WWOX: variants seen among roughly 807,000 people sequenced by gnomAD.
The protein encoded by WWOX is WW domain-containing oxidoreductase.
A neutral mutation model predicts 46.2 loss-of-function variants in WWOX; 69 were observed. That is an observed-to-expected ratio of 1.49 (90% confidence interval 1.23 to 1.82). WWOX has a LOEUF of 1.82. Ranked by LOEUF, WWOX falls within the 40% of genes most tolerant of loss-of-function variation. The pLI is 0.00. For synonymous variants in WWOX, 359 were observed against 202.6 expected, an observed-to-expected ratio of 1.77 and a Z score of -6.56; for missense variants, 919 against 542.6, an observed-to-expected ratio of 1.69 and a Z score of -6.89.
chr16:79,164,017 A>G lies in WWOX; in HGVS notation c.1057-47591A>G, dbSNP rs896465799. Among the ~76,000 whole-genome samples, 11 of 152,328 alleles carry G rather than the reference A, an allele frequency of 7.2e-5. No homozygotes were observed. In the East Asian group the frequency reaches 2.1e-3, roughly 29 times the overall value. ...AAATAAACAGTGAGAAGTATAAGCT[A>G]AACATAGACTTTAGGCATATACATA... On this transcript the variant is annotated intron_variant, in intron 8 of 8. Coordinates refer to ENST00000566780, the MANE Select transcript of WWOX (RefSeq NM_016373.4).
chr16:78,530,646 A>G (rs532932380), intron 8 of WWOX, among the ~76,000 whole-genome samples: 2 of 152,252 alleles, frequency 1.3e-5, no homozygotes, highest in African/African-American at 4.8e-5. Context: ...AAACAGGGAT[A>G]TATGTTCTCA....
intron 8 of WWOX, among the ~76,000 whole-genome samples, chr16:79,198,817 C>T (rs1256690882): frequency 1.3e-5 from 2 of 152,106 alleles, no homozygotes; most frequent in Non-Finnish European, 2.9e-5. Context: ...AACCAGAAAC[C>T]CTCATAAAAT....
intron 8 of WWOX, among the ~76,000 whole-genome samples, chr16:79,147,681 A>T (rs555810791): frequency 6.6e-6 from 1 of 152,234 alleles, no homozygotes; most frequent in Admixed American, 6.5e-5. Flanking sequence ...AGCTGTTTCC[A>T]TGCTATTTTA....
chr16:78,511,027 T>A (rs1027957348), intron 8 of WWOX, among the ~76,000 whole-genome samples: 3 of 152,222 alleles, frequency 2.0e-5, no homozygotes, highest in African/African-American at 7.2e-5. Context: ...CCTGGCATAG[T>A]GGGCTGCTCA....
intron 3 of WWOX, 110 bp downstream of exon 3, chr16:78,109,945 G>A (rs993333257): frequency 1.7e-6 from 2 of 1,168,640 alleles, no homozygotes; most frequent in African/African-American, 1.5e-5. Context: ...ATAACAGTGT[G>A]TATCTGTAAT....
chr16:79,210,686 C>G (rs1044916148), intron 8 of WWOX, among the ~76,000 whole-genome samples: 3 of 152,110 alleles, frequency 2.0e-5, no homozygotes, highest in African/African-American at 7.2e-5. Flanking sequence ...GACCATGTCT[C>G]CCTCTGAACA....
chr16:78,847,305 C>T (rs2052324848), intron 8 of WWOX, among the ~76,000 whole-genome samples: 1 of 152,114 alleles, frequency 6.6e-6, no homozygotes, highest in African/African-American at 2.4e-5. Context: ...CACCTATCTC[C>T]ATTTATTCCT....
At chr16:78,391,361 T>C (rs544974210) in intron 6 of WWOX, among the ~76,000 whole-genome samples, 1 of 152,350 alleles carries the variant, frequency 6.6e-6, no homozygotes, top group South Asian at 2.1e-4. Flanking sequence ...CACTTAACCA[T>C]GATTATCCCT....
chr16:78,599,034 A>C (rs966012645), intron 8 of WWOX, among the ~76,000 whole-genome samples: 1 of 152,168 alleles, frequency 6.6e-6, no homozygotes, highest in African/African-American at 2.4e-5. Context: ...AAGTTTGAAC[A>C]ATCAAACTGG....
intron 3 of WWOX, among the ~76,000 whole-genome samples, chr16:78,110,160 T>C (rs2032407131): frequency 6.6e-6 from 1 of 151,682 alleles, no homozygotes; most frequent in African/African-American, 2.4e-5. Flanking sequence ...GCCAACATGG[T>C]GAAACTCCGT....
intron 8 of WWOX, among the ~76,000 whole-genome samples, chr16:78,527,015 T>G (rs1028159392): frequency 2.6e-5 from 4 of 152,042 alleles, no homozygotes; most frequent in Non-Finnish European, 4.4e-5. Context: ...CAATACAAAA[T>G]TAGCTGGGTG....
intron 8 of WWOX, among the ~76,000 whole-genome samples, chr16:79,007,725 G>T (rs915791042): frequency 4.6e-5 from 7 of 152,192 alleles, no homozygotes; most frequent in African/African-American, 1.7e-4. Flanking sequence ...TCATATAGCT[G>T]CTTAGCGGCA....
intron 8 of WWOX, among the ~76,000 whole-genome samples, chr16:78,710,473 C>CATATATAT (rs544025863): frequency 0.011 from 676 of 63,578 alleles, 39 homozygotes; most frequent in African/African-American, 0.025. Context: ...TAATGGATCT[C>CATATATAT]ATATATATAT....
At chr16:78,198,459 T>A (rs963817010) in intron 5 of WWOX, among the ~76,000 whole-genome samples, 2 of 152,210 alleles carry the variant, frequency 1.3e-5, no homozygotes, top group South Asian at 2.1e-4. Flanking sequence ...CTCCACTCTG[T>A]CCACTTGTTT....
chr16:78,516,771 AT>A (rs758577223), intron 8 of WWOX, among the ~76,000 whole-genome samples: 28 of 152,210 alleles, frequency 1.8e-4, no homozygotes, highest in Non-Finnish European at 3.5e-4. Context: ...CATTTAAATA[AT>A]TCAAAAATCC....
At chr16:79,155,330 C>A (rs757426805) in intron 8 of WWOX, among the ~76,000 whole-genome samples, 16 of 152,090 alleles carry the variant, frequency 1.1e-4, no homozygotes, top group Non-Finnish European at 2.1e-4. Flanking sequence ...GAGCTGAGAT[C>A]ACGCCATTGC....
chr16:78,923,463 T>C (rs2045426425), intron 8 of WWOX, among the ~76,000 whole-genome samples: 1 of 152,158 alleles, frequency 6.6e-6, no homozygotes, highest in Non-Finnish European at 1.5e-5. Context: ...TAATATCTAG[T>C]TTATATTTTG....
intron 8 of WWOX, among the ~76,000 whole-genome samples, chr16:78,852,406 C>A (rs563696771): frequency 6.6e-6 from 1 of 152,154 alleles, no homozygotes; most frequent in Non-Finnish European, 1.5e-5. Flanking sequence ...CACCATGTTG[C>A]GAGGATACTC....
chr16:78,624,943 G>T (rs2046277664), intron 8 of WWOX, among the ~76,000 whole-genome samples: 1 of 152,084 alleles, frequency 6.6e-6, no homozygotes. Flanking sequence ...TTACCTAAAG[G>T]GTAAGAACAT....
Sources: gnomAD v4.1 joint callset for allele counts (sites outside exome capture counted in the v4.1 genomes callset) on GRCh38, gnomAD v4.1.1 for gene constraint, MANE v1.5 for transcripts, NCBI Gene and HGNC (gene_info 2026-07-23, HGNC 2026-07-21) for gene names.